Variants in SLC49A4 observed in about 807,000 individuals in gnomAD.
SLC49A4 encodes the protein disrupted in renal cancer protein 2.
SLC49A4 carries 36 observed loss-of-function variants against 50.6 expected under a neutral mutation model. The observed-to-expected ratio is 0.71, with a 90% CI of 0.55 to 0.94. The LOEUF (loss-of-function observed/expected upper bound fraction) is 0.94. Among genes scored for constraint, SLC49A4 ranks in the 40% least tolerant of loss-of-function variants. SLC49A4 has a pLI of 0.00. For synonymous variants in SLC49A4, 248 were observed against 241.2 expected, an observed-to-expected ratio of 1.03 and a Z score of -0.26; for missense variants, 503 against 605.7, an observed-to-expected ratio of 0.83 and a Z score of 1.78.
chr3:122,864,081 A>G (rs1201053642), intron 7 of SLC49A4, among the ~76,000 whole-genome samples: 2 of 152,128 alleles, frequency 1.3e-5, no homozygotes, highest in Non-Finnish European at 2.9e-5. Context: ...TTCTATGGCA[A>G]TCTTTCTGTA....
At chr3:122,815,344 C>G (rs936819560) in intron 2 of SLC49A4, among the ~76,000 whole-genome samples, 2 of 152,176 alleles carry the variant, frequency 1.3e-5, no homozygotes, top group Non-Finnish European at 2.9e-5. Flanking sequence ...CCGCCTCGGC[C>G]TCTCAAAGTG....
At chr3:122,795,913 A>T (rs1000752685) in intron 1 of SLC49A4, among the ~76,000 whole-genome samples, 2 of 152,180 alleles carry the variant, frequency 1.3e-5, no homozygotes, top group African/African-American at 4.8e-5. Context: ...GATGTTGAGG[A>T]TGAAAGGTCG....
chr3:122,819,264 A>T (rs1936419065), intron 2 of SLC49A4, among the ~76,000 whole-genome samples: 1 of 151,224 alleles, frequency 6.6e-6, no homozygotes, highest in African/African-American at 2.4e-5. Context: ...AAAAAAAAAA[A>T]TCCTGTGAGA....
At position 122,825,872 on chromosome 3, in the gene SLC49A4, G is replaced by T. The variant is rs865883273; in HGVS notation, c.438-928G>T. Among the ~76,000 whole-genome samples, 67 of 152,102 alleles carry T rather than the reference G, an allele frequency of 4.4e-4. 1 individual carries two copies. The highest frequency in any genetic ancestry group is 1.5e-3 in the African/African-American group (62 of 41,400). ...GAATGTGTATATTGGGGGTGAGGGAGTAATGGGAGAAAAGAGTTGGTCAAC... is the reference window on the plus strand; with the variant it reads ...GAATGTGTATATTGGGGGTGAGGGATTAATGGGAGAAAAGAGTTGGTCAAC... On this transcript the variant is annotated intron_variant, in intron 2 of 8. Transcript: ENST00000261038.
chr3:122,798,494 T>G (rs1936082333), intron 1 of SLC49A4, among the ~76,000 whole-genome samples: 1 of 152,026 alleles, frequency 6.6e-6, no homozygotes, highest in South Asian at 2.1e-4. Flanking sequence ...AAAATTCTCT[T>G]TATTAGGAAG....
At chr3:122,803,807 A>C (rs1936170716) in intron 1 of SLC49A4, among the ~76,000 whole-genome samples, 1 of 152,226 alleles carries the variant, frequency 6.6e-6, no homozygotes, top group African/African-American at 2.4e-5. Flanking sequence ...GTCCCCAGCA[A>C]AAGGAGTTAT....
intron 4 of SLC49A4, among the ~76,000 whole-genome samples, chr3:122,837,473 T>C (rs1002596137): frequency 6.6e-6 from 1 of 152,160 alleles, no homozygotes; most frequent in African/African-American, 2.4e-5. Flanking sequence ...GGATTCCCTA[T>C]TTAATAAATG....
At chr3:122,822,153 C>T (rs1936462599) in intron 2 of SLC49A4, among the ~76,000 whole-genome samples, 1 of 152,142 alleles carries the variant, frequency 6.6e-6, no homozygotes, top group African/African-American at 2.4e-5. Context: ...TGATGACAAA[C>T]AATTAATATT....
chr3:122,865,695 A>G (rs369381850), intron 7 of SLC49A4, among the ~76,000 whole-genome samples: 3 of 152,156 alleles, frequency 2.0e-5, no homozygotes, highest in African/African-American at 7.2e-5. Flanking sequence ...CACTTGTTCA[A>G]GTTTAATTGG....
At chr3:122,824,785 T>G (rs1315090241) in intron 2 of SLC49A4, among the ~76,000 whole-genome samples, 3 of 147,066 alleles carry the variant, frequency 2.0e-5, no homozygotes, top group Non-Finnish European at 4.5e-5. Context: ...CAGGCTGTAG[T>G]GCAGTGGCAC....
chr3:122,806,921 A>G lies in SLC49A4; in HGVS notation c.408A>G (p.Ile136Met), dbSNP rs1301480298. The change falls in exon 2 of 9, where the codon ATA becomes ATG. Residue 136 changes from isoleucine (I) to methionine (M), a missense_variant. Ile to Met is a conservative substitution (Grantham distance 10, BLOSUM62 1). Coordinates refer to ENST00000261038, the MANE Select transcript of SLC49A4 (RefSeq NM_032839.3). ...TTTTGGGAACTGGTCTAAGATGCATACCTATATCAGACTTAATCCTTAAAA... is the reference window on the plus strand; with the variant it reads ...TTTTGGGAACTGGTCTAAGATGCATGCCTATATCAGACTTAATCCTTAAAA... ...LMVLGTGLRC[I>M]PISDLILKRR... 6.2e-7 allele frequency: 1 copy of G among 1,605,542 alleles called. No individual in the cohort carries two copies. Among genetic ancestry groups the G allele is most frequent in the South Asian group, 1.1e-5 (1 of 90,708 alleles).
At chr3:122,861,938 C>A (rs138198430) in intron 7 of SLC49A4, among the ~76,000 whole-genome samples, 1 of 152,274 alleles carries the variant, frequency 6.6e-6, no homozygotes, top group East Asian at 1.9e-4. Flanking sequence ...GCATTCTTTT[C>A]GATGACATCG....
chr3:122,878,881 A>G (rs1037458173), intron 8 of SLC49A4, among the ~76,000 whole-genome samples: 1 of 152,212 alleles, frequency 6.6e-6, no homozygotes, highest in Admixed American at 6.5e-5. Flanking sequence ...TGTCTTTTTA[A>G]TCCATCAGAT....
chr3:122,835,077 A>G (rs145987905), intron 4 of SLC49A4, among the ~76,000 whole-genome samples: 100 of 152,290 alleles, frequency 6.6e-4, no homozygotes, highest in African/African-American at 2.4e-3. Flanking sequence ...CCAACCAAGA[A>G]AAGGTTATGG....
At chr3:122,852,555 G>A (rs1057505162) in intron 5 of SLC49A4, among the ~76,000 whole-genome samples, 8 of 152,168 alleles carry the variant, frequency 5.3e-5, no homozygotes, top group African/African-American at 1.9e-4. Flanking sequence ...TTTTCCTTCA[G>A]AGAGAATTTA....
At chr3:122,795,591 G>A in intron 1 of SLC49A4, 56 bp downstream of exon 1, 1 of 1,537,638 alleles carries the variant, frequency 6.5e-7, no homozygotes, top group East Asian at 2.5e-5. Context: ...GCAGGCGCCT[G>A]CCCGCGCTCC....
Position 122,869,739 on chromosome 3 carries a change from C to G in SLC49A4, c.1139-2676C>G, listed in dbSNP as rs185356337. On this transcript the variant is annotated intron_variant, in intron 7 of 8. Coordinates refer to ENST00000261038, the MANE Select transcript of SLC49A4 (RefSeq NM_032839.3). Reference sequence around the variant, plus strand: ...ACGACAGTTAATTATCCCTCATCTTCCAAGTTCCTCCCAGGATTTAGATAC... The same window carrying G: ...ACGACAGTTAATTATCCCTCATCTTGCAAGTTCCTCCCAGGATTTAGATAC... 6.6e-5 allele frequency among the ~76,000 whole-genome samples: 10 copies of G among 152,318 alleles called. No homozygotes were observed. The East Asian group carries it at 1.9e-3, about 29-fold the overall frequency.
chr3:122,870,404 A>G (rs1937181646), intron 7 of SLC49A4, among the ~76,000 whole-genome samples: 1 of 151,560 alleles, frequency 6.6e-6, no homozygotes, highest in South Asian at 2.1e-4. Context: ...ATTTGGAGAA[A>G]CAGGGTCTCA....
At chr3:122,822,244 C>T (rs1443361966) in intron 2 of SLC49A4, among the ~76,000 whole-genome samples, 1 of 152,110 alleles carries the variant, frequency 6.6e-6, no homozygotes, top group Non-Finnish European at 1.5e-5. Context: ...AATAGTCAGC[C>T]CAGATCAACA....
Sources: allele counts gnomAD v4.1 joint callset (sites outside exome capture counted in the v4.1 genomes callset), GRCh38; gene constraint gnomAD v4.1.1; transcripts MANE v1.5; gene names NCBI Gene and HGNC (gene_info 2026-07-23, HGNC 2026-07-21).